The following EIF3A variants were observed in gnomAD, a reference collection of about 807,000 sequenced individuals.
The protein encoded by EIF3A is eukaryotic translation initiation factor 3 subunit A, also known as EIF3, p180 subunit.
Under a neutral mutation model 186.6 loss-of-function variants are expected in EIF3A, and 21 were observed. The ratio of observed to expected loss-of-function variants is 0.11; its 90% confidence interval spans 0.08 to 0.16. The LOEUF (loss-of-function observed/expected upper bound fraction) is 0.16, where lower values mean the gene tolerates loss of function less well. Ranked by LOEUF, EIF3A falls within the 10% of genes least tolerant of loss-of-function variation. The probability of loss-of-function intolerance (pLI) is 1.00; values close to 1 mark genes in which losing one functional copy is unlikely to be tolerated. For synonymous variants in EIF3A, 563 were observed against 584.3 expected, an observed-to-expected ratio of 0.96 and a Z score of 0.52; for missense variants, 1,306 against 1,796.3, an observed-to-expected ratio of 0.73 and a Z score of 4.93.
chr10:119,062,535 A>G (rs1192518029), intron 7 of EIF3A, among the ~76,000 whole-genome samples: 1 of 152,154 alleles, frequency 6.6e-6, no homozygotes, highest in Non-Finnish European at 1.5e-5. Flanking sequence ...ACTAACTGGT[A>G]TCCTTCTAGA....
At chr10:119,040,999 C>T (rs574073596) in intron 19 of EIF3A, among the ~76,000 whole-genome samples, 21 of 108,002 alleles carry the variant, frequency 1.9e-4, no homozygotes, top group Admixed American at 1.2e-3. Context: ...AGCGAGACTC[C>T]GTCTCCAAAA....
rs369932183 is a variant in EIF3A, at chr10:119,057,756, CAAGAT to C, written c.1977+195_1977+199del. Among the ~76,000 whole-genome samples the C allele has an allele frequency of 2.5e-4, 38 of 152,152 alleles. 1 individual carries two copies. In the East Asian group the frequency reaches 4.6e-3, roughly 19 times the overall value. Reference sequence around the variant, plus strand: ...CGTCACTGCACTCCAGCCTGGGCGACAAGATAATACTCCGTCTCAAAAAAAACACA... The same window carrying C: ...CGTCACTGCACTCCAGCCTGGGCGACAATACTCCGTCTCAAAAAAAACACA... On this transcript the variant is annotated intron_variant, in intron 12 of 21. Transcript: ENST00000369144.
intron 1 of EIF3A, among the ~76,000 whole-genome samples, chr10:119,079,684 C>T (rs556983395): frequency 6.6e-6 from 1 of 152,012 alleles, no homozygotes. Flanking sequence ...TTGGAGAGAT[C>T]GGGGCACACA....
At chr10:119,044,607 G>A (rs989113930) in intron 17 of EIF3A, among the ~76,000 whole-genome samples, 2 of 152,214 alleles carry the variant, frequency 1.3e-5, no homozygotes, top group Non-Finnish European at 2.9e-5. Flanking sequence ...CCAGCAGTTT[G>A]GAAGGCCGAG....
intron 17 of EIF3A, among the ~76,000 whole-genome samples, chr10:119,049,349 A>G (rs1007703441): frequency 6.6e-6 from 1 of 152,126 alleles, no homozygotes; most frequent in Non-Finnish European, 1.5e-5. Context: ...TCAGCCAGGC[A>G]TGGTGTTGGG....
chr10:119,073,099 T>A (rs1564761327), intron 3 of EIF3A, 46 bp from the exon 4 acceptor site: 1 of 1,551,228 alleles, frequency 6.4e-7, no homozygotes, highest in Non-Finnish European at 8.7e-7. Flanking sequence ...AGTTTCCTAC[T>A]TTGCCATGTG....
In EIF3A at chr10:119,055,231, T is replaced by C. The variant is rs547182881; in HGVS notation, c.2196+1509A>G. ...TCTCAAATAAATATATACATATTAG[T>C]GTCTCAGGGAATAATAGGAAGGGTC... On this transcript the variant is annotated intron_variant, in intron 14 of 21. Transcript: ENST00000369144. Among the ~76,000 whole-genome samples, 3 of 152,216 alleles carry C rather than the reference T, an allele frequency of 2.0e-5. No homozygotes were observed. The East Asian group carries it at 5.8e-4, about 29-fold the overall frequency.
chr10:119,042,300 C>T lies in EIF3A; in HGVS notation c.3220G>A (p.Asp1074Asn). 1 of 1,614,016 alleles carries T rather than the reference C, an allele frequency of 6.2e-7. No homozygotes were observed. Among genetic ancestry groups the T allele is most frequent in the East Asian group, 2.2e-5 (1 of 44,866 alleles). ...CCTCGCCTGGGACCCCGATCATCATCCAACCCTCGCCTGGGACCCCGGTCA... is the reference window on the plus strand; with the variant it reads ...CCTCGCCTGGGACCCCGATCATCATTCAACCCTCGCCTGGGACCCCGGTCA... Reference protein sequence around the residue: ...DDDRGPRRGLDDDRGPRRGMD... With the variant: ...DDDRGPRRGLNDDRGPRRGMD... Residue 1074 changes from aspartate to asparagine, a missense_variant, in exon 19 of 22, where the codon GAT (aspartate) becomes AAT (asparagine). By Grantham distance (23) the Asp-to-Asn change is conservative (BLOSUM62 1). Around this residue, in one of 8 missense-constraint regions of EIF3A, gnomAD observed 410 missense variants for 473.5 expected, o/e 0.87. Transcript: ENST00000369144. This position sits in a 1 kb window ranked among gnomAD's most constrained non-coding sequence, Gnocchi z 7.8.
Position 119,038,442 on chromosome 10 carries a change from G to A in EIF3A, c.3527-3C>T. On this transcript the variant is annotated splice_polypyrimidine_tract_variant and splice_region_variant and intron_variant, in intron 19 of 21. Transcript: ENST00000369144. Reference sequence around the variant, plus strand: ...TTTTTCTTTCTCTCTCCATCCACCTGTTTTTTTGAAAAAGCAAAACATTTT... The same window carrying A: ...TTTTTCTTTCTCTCTCCATCCACCTATTTTTTTGAAAAAGCAAAACATTTT... 1 of 1,591,264 alleles carries A rather than the reference G, an allele frequency of 6.3e-7. No homozygotes were observed. The highest frequency in any genetic ancestry group is 1.2e-5 in the South Asian group (1 of 85,770).
At chr10:119,065,664 A>C (rs1356296816) in intron 6 of EIF3A, 94 bp from the exon 7 acceptor site, 2 of 864,600 alleles carry the variant, frequency 2.3e-6, no homozygotes, top group African/African-American at 3.4e-5. Context: ...AAGGCGTGCT[A>C]GTGACAGAAC....
intron 17 of EIF3A, among the ~76,000 whole-genome samples, chr10:119,049,584 T>C (rs1848328448): frequency 6.8e-6 from 1 of 147,042 alleles, no homozygotes; most frequent in African/African-American, 2.5e-5. Context: ...GTGATAAAAA[T>C]ACATCACAAT....
At chr10:119,061,734 G>A (rs1843890927) in intron 7 of EIF3A, among the ~76,000 whole-genome samples, 1 of 152,108 alleles carries the variant, frequency 6.6e-6, no homozygotes, top group African/African-American at 2.4e-5. Flanking sequence ...CCAAACTGGG[G>A]AGAATTCACA....
intron 19 of EIF3A, among the ~76,000 whole-genome samples, chr10:119,040,559 T>A (rs1158716634): frequency 6.6e-6 from 1 of 152,194 alleles, no homozygotes; most frequent in African/African-American, 2.4e-5. Flanking sequence ...GTCACCTGTG[T>A]GCAGTACGCA....
In EIF3A at chr10:119,037,239, C is replaced by T. The variant is rs371292579; in HGVS notation, c.3799G>A (p.Asp1267Asn). ...CGGCGACGGTCATCCCTATCCCTATCGTCCCGGCGACTTGAGTCTCTCCAG... is the reference window on the plus strand; with the variant it reads ...CGGCGACGGTCATCCCTATCCCTATTGTCCCGGCGACTTGAGTCTCTCCAG... ...SSWRDSSRRD[D>N]RDRDDRRRER... is the part of the protein sequence containing the mutation. Residue 1267 changes from aspartate (D) to asparagine (N), a missense_variant, in exon 21 of 22, where the codon GAT becomes AAT. Transcript: ENST00000369144. The T allele has an allele frequency of 6.8e-6, 11 of 1,613,978 alleles. No homozygotes were observed. The highest frequency in any genetic ancestry group is 2.7e-5 in the African/African-American group (2 of 74,894).
At chr10:119,045,145 A>G (rs1848267226) in intron 17 of EIF3A, among the ~76,000 whole-genome samples, 1 of 152,032 alleles carries the variant, frequency 6.6e-6, no homozygotes, top group Non-Finnish European at 1.5e-5. Flanking sequence ...GGATTTCAAC[A>G]TGTTGGCCAT....
chr10:119,073,637 T>C (rs1844113365), intron 2 of EIF3A, 60 bp from the exon 3 acceptor site: 4 of 1,581,050 alleles, frequency 2.5e-6, no homozygotes, highest in African/African-American at 2.7e-5. Context: ...ATAAGATGTT[T>C]TAAAGGCAAA....
At chr10:119,077,035 T>C (rs958939947) in intron 1 of EIF3A, among the ~76,000 whole-genome samples, 4 of 151,938 alleles carry the variant, frequency 2.6e-5, no homozygotes, top group Non-Finnish European at 5.9e-5. Context: ...AGTAAATGCG[T>C]TTAATGGAAT....
At chr10:119,071,611 A>C (rs1844072479) in intron 4 of EIF3A, among the ~76,000 whole-genome samples, 1 of 152,142 alleles carries the variant, frequency 6.6e-6, no homozygotes, top group Non-Finnish European at 1.5e-5. Context: ...TATTTTTTAG[A>C]TTTCCTTTCC....
At chr10:119,074,751 T>C (rs1359082758) in intron 1 of EIF3A, among the ~76,000 whole-genome samples, 3 of 151,178 alleles carry the variant, frequency 2.0e-5, no homozygotes, top group South Asian at 4.2e-4. Context: ...CTAACCAAAA[T>C]GGAGAAACCA....
Sources: gnomAD v4.1 joint callset for allele counts (sites outside exome capture counted in the v4.1 genomes callset) on GRCh38, gnomAD v4.1.1 for gene constraint, gnomAD v4.1.1 regional missense constraint, Gnocchi (gnomAD v3.1) non-coding constraint, MANE v1.5 for transcripts, NCBI Gene and HGNC (gene_info 2026-07-23, HGNC 2026-07-21) for gene names.